Variants in SAMD5 observed in about 807,000 individuals in gnomAD.
SAMD5 encodes the protein sterile alpha motif domain containing 5.
Under a neutral mutation model 11.3 loss-of-function variants are expected in SAMD5, and 13 were observed. The observed-to-expected ratio is 1.15, with a 90% CI of 0.75 to 1.83. SAMD5 has a LOEUF of 1.83. Among genes scored for constraint, SAMD5 ranks in the 40% most tolerant of loss-of-function variants. SAMD5 has a pLI of 0.00. For missense variants in SAMD5, 255 were observed against 239.1 expected (o/e 1.07, Z -0.44); for synonymous variants, 129 against 111.3 (o/e 1.16, Z -1.00).
At position 147,603,222 on chromosome 6, in the gene SAMD5, G is replaced by A. The variant is rs961489630; in HGVS notation, c.162+93835G>A. On this transcript the variant is annotated intron_variant, in intron 1 of 1. Transcript: ENST00000566741. Reference sequence around the variant, plus strand: ...TACAACAGAAATTAAATTGAGTTTCGGGGACATATTAATAAAACAGTCTAT... The same window carrying A: ...TACAACAGAAATTAAATTGAGTTTCAGGGACATATTAATAAAACAGTCTAT... Among the ~76,000 whole-genome samples, 4 of 152,022 alleles carry A rather than the reference G, an allele frequency of 2.6e-5. No homozygotes were observed. The South Asian group carries it at 6.2e-4, about 24-fold the overall frequency.
the SAMD5 span, among the ~76,000 whole-genome samples, chr6:147,838,196 T>C: frequency 6.6e-6 from 1 of 152,078 alleles, no homozygotes; most frequent in Non-Finnish European, 1.5e-5. Flanking sequence ...TTTCAGCAAG[T>C]ATGGAACAGA....
the SAMD5 span, among the ~76,000 whole-genome samples, chr6:147,927,463 T>G: frequency 2.6e-5 from 4 of 152,326 alleles, no homozygotes; most frequent in Admixed American, 2.6e-4. Flanking sequence ...GGCTCTTGGC[T>G]TGGCTGTTGT....
At chr6:147,859,142 A>T in the SAMD5 span, among the ~76,000 whole-genome samples, 6 of 152,082 alleles carry the variant, frequency 3.9e-5, no homozygotes, top group Non-Finnish European at 8.8e-5. Context: ...ACCCTCGGAG[A>T]TGGGCATTCC....
intron 1 of SAMD5, among the ~76,000 whole-genome samples, chr6:147,727,828 T>G (rs2128459761): frequency 6.6e-6 from 1 of 152,298 alleles, no homozygotes; most frequent in South Asian, 2.1e-4. Context: ...TACTACCTTT[T>G]TGTCCCAGAG....
At chr6:147,547,388 A>T (rs566455920) in intron 1 of SAMD5, among the ~76,000 whole-genome samples, 1 of 152,312 alleles carries the variant, frequency 6.6e-6, no homozygotes, top group African/African-American at 2.4e-5. Context: ...GGCAGAATCC[A>T]CTTCCAAGCT....
chr6:147,528,845 TGC>T (rs1225183550), intron 1 of SAMD5, among the ~76,000 whole-genome samples: 1 of 152,224 alleles, frequency 6.6e-6, no homozygotes, highest in African/African-American at 2.4e-5. Context: ...ATAAATCCAC[TGC>T]ACATTTGCAT....
At chr6:147,869,392 C>T in the SAMD5 span, among the ~76,000 whole-genome samples, 1 of 152,294 alleles carries the variant, frequency 6.6e-6, no homozygotes, top group South Asian at 2.1e-4. Context: ...GTCCTGCCTC[C>T]AAAGCAGTTA....
chr6:147,561,970 C>G (rs1459603841), intron 1 of SAMD5, among the ~76,000 whole-genome samples: 3 of 152,142 alleles, frequency 2.0e-5, no homozygotes, highest in Non-Finnish European at 4.4e-5. Context: ...TGCGGAAATC[C>G]TGTTCATCTG....
intron 1 of SAMD5, among the ~76,000 whole-genome samples, chr6:147,659,142 T>C (rs1790611277): frequency 6.6e-6 from 1 of 152,218 alleles, no homozygotes; most frequent in Non-Finnish European, 1.5e-5. Flanking sequence ...AACTGCTTTA[T>C]AATTGGCAGA....
chr6:147,616,945 A>G (rs1789881744), intron 1 of SAMD5, among the ~76,000 whole-genome samples: 1 of 152,162 alleles, frequency 6.6e-6, no homozygotes, highest in Admixed American at 6.5e-5. Context: ...CTCCCTTGAC[A>G]CGTGGGGATT....
At chr6:147,737,765 T>TTA (rs140249665), downstream of SAMD5, among the ~76,000 whole-genome samples, 816 of 145,012 alleles carry the variant, frequency 5.6e-3, 10 homozygotes, top group African/African-American at 0.019. Context: ...CTCTCCCATG[T>TTA]TATATATATA....
intron 1 of SAMD5, among the ~76,000 whole-genome samples, chr6:147,555,559 T>C (rs952647235): frequency 2.6e-5 from 4 of 152,214 alleles, no homozygotes; most frequent in Non-Finnish European, 5.9e-5. Flanking sequence ...GGTGGTGATA[T>C]TAACACATGG....
chr6:147,901,440 A>ATCTTG, the SAMD5 span, among the ~76,000 whole-genome samples: 80,107 of 151,540 alleles, frequency 0.53, 22,770 homozygotes, highest in African/African-American at 0.75. Flanking sequence ...ATAAGAACTA[A>ATCTTG]TCTTCTCCTT....
chr6:147,892,148 C>A, the SAMD5 span, among the ~76,000 whole-genome samples: 1 of 152,200 alleles, frequency 6.6e-6, no homozygotes, highest in Non-Finnish European at 1.5e-5. Flanking sequence ...TCCCTTCTTG[C>A]CTCCTTGTTT....
the SAMD5 span, among the ~76,000 whole-genome samples, chr6:147,820,680 GAC>G: frequency 1.3e-5 from 2 of 152,190 alleles, no homozygotes; most frequent in African/African-American, 4.8e-5. Context: ...CAAGTTGGGC[GAC>G]AGAGTGTTTG....
chr6:147,559,831 G>A (rs1013110931), intron 1 of SAMD5, among the ~76,000 whole-genome samples: 1 of 152,198 alleles, frequency 6.6e-6, no homozygotes, highest in African/African-American at 2.4e-5. Context: ...CAGGACACGT[G>A]TGTATGCCAG....
chr6:147,572,448 C>T (rs369301101), downstream of SAMD5, among the ~76,000 whole-genome samples: 1 of 152,018 alleles, frequency 6.6e-6, no homozygotes, highest in African/African-American at 2.4e-5. Context: ...ATGTAGTAAA[C>T]ATTGTAATTT....
At chr6:147,545,005 A>G (rs1788663610) in intron 1 of SAMD5, among the ~76,000 whole-genome samples, 1 of 152,128 alleles carries the variant, frequency 6.6e-6, no homozygotes, top group Non-Finnish European at 1.5e-5. Context: ...CATGCAGTTC[A>G]GTTTTGGGTT....
At chr6:147,554,759 A>G (rs1054533206) in intron 1 of SAMD5, among the ~76,000 whole-genome samples, 1 of 152,172 alleles carries the variant, frequency 6.6e-6, no homozygotes. Context: ...TATCATTTGA[A>G]TGGGCAGAAT....
Sources: allele counts gnomAD v4.1 joint callset (sites outside exome capture counted in the v4.1 genomes callset), GRCh38; gene constraint gnomAD v4.1.1; transcripts MANE v1.5; gene names NCBI Gene and HGNC (gene_info 2026-07-23, HGNC 2026-07-21).